Variants in STS observed in about 807,000 individuals in gnomAD.
STS encodes the protein steroid sulfatase.
In STS, 7 loss-of-function variants were observed where a neutral mutation model predicts 26.8. That is an observed-to-expected ratio of 0.26 (90% CI 0.15 to 0.49). The LOEUF is 0.49. Among genes scored for constraint, STS ranks in the 20% least tolerant of loss-of-function variants. The probability of loss-of-function intolerance (pLI) is 0.98; values close to 1 mark genes in which losing one functional copy is unlikely to be tolerated. For synonymous variants in STS, 199 were observed against 189.4 expected (o/e 1.05, Z -0.42); for missense variants, 434 against 465.6 (o/e 0.93, Z 0.63).
chrX:7,339,571 AC>A (rs1161339698), intron 10 of STS, among the ~76,000 whole-genome samples: 1 of 112,610 alleles, frequency 8.9e-6, no homozygotes, highest in African/African-American at 3.2e-5. Flanking sequence ...ACAAGGTACA[AC>A]ATTTGTACTT....
intron 7 of STS, among the ~76,000 whole-genome samples, chrX:7,295,811 A>G (rs1398340630): frequency 8.9e-6 from 1 of 111,797 alleles, no homozygotes; most frequent in Non-Finnish European, 1.9e-5. Flanking sequence ...AGGAGGTTGC[A>G]AAACATAAAA....
chrX:7,347,768 G>A (rs1162363392), intron 10 of STS, among the ~76,000 whole-genome samples: 1 of 111,877 alleles, frequency 8.9e-6, no homozygotes, highest in African/African-American at 3.3e-5. Context: ...GCTTCTCTGT[G>A]TACCCACTTT....
chrX:7,188,790 G>A (rs1324781808), intron 1 of STS, among the ~76,000 whole-genome samples: 13 of 111,552 alleles, frequency 1.2e-4, no homozygotes, highest in African/African-American at 2.0e-4. Context: ...TTCTTATCTC[G>A]CAAGGAGAGA....
chrX:7,220,715 CT>C (rs1186063979), intron 2 of STS, among the ~76,000 whole-genome samples: 4 of 108,474 alleles, frequency 3.7e-5, no homozygotes, highest in Non-Finnish European at 7.7e-5. Flanking sequence ...CGCCCGGCTA[CT>C]TTTTTTGTAT....
rs149343264 is a variant in STS at position 7,350,090 on chromosome X, C to T, written c.1566C>T (p.Leu522=). ...PASEPRFYEI[L]KVMQEAADRH... ...CCGAGCCCCGGTTTTATGAAATCCT[C>T]AAAGTCATGCAGGAAGCTGCGGACA... The change falls in exon 11 of 11, where the codon CTC becomes CTT. Residue 522 remains leucine (L), a synonymous_variant. Coordinates refer to ENST00000674429, the MANE Select transcript of STS (RefSeq NM_001320752.2). The T allele has an allele frequency of 3.6e-4, 440 of 1,210,584 alleles. No homozygotes were observed. The African/African-American group carries it at 6.5e-3, about 18-fold the overall frequency.
chrX:7,183,350 A>G (rs1933716730), intron 1 of STS, among the ~76,000 whole-genome samples: 1 of 111,768 alleles, frequency 8.9e-6, no homozygotes, highest in Non-Finnish European at 1.9e-5. Flanking sequence ...CCTCGTGGAC[A>G]ATGGAAATAA....
intron 1 of STS, among the ~76,000 whole-genome samples, chrX:7,175,477 G>A (rs1359738734): frequency 2.1e-5 from 2 of 97,231 alleles, no homozygotes; most frequent in Admixed American, 1.2e-4. Flanking sequence ...CTAGGAGACA[G>A]AGTGAGACCT....
At chrX:7,190,118 T>C (rs1318491757) in intron 1 of STS, among the ~76,000 whole-genome samples, 1 of 110,693 alleles carries the variant, frequency 9.0e-6, no homozygotes, top group Admixed American at 9.8e-5. Context: ...TATTATTACA[T>C]TGTAATATAT....
At chrX:7,325,192 T>A in intron 8 of STS, 147 bp from the exon 9 acceptor site, 1 of 595,906 alleles carries the variant, frequency 1.7e-6, no homozygotes, top group Non-Finnish European at 2.8e-6. Flanking sequence ...CAACATATAC[T>A]ATATTGCTCA....
rs1211183189 is a variant in STS, at chrX:7,258,056, ATAGCTAGC to A, written c.382+484_382+491del. Among the ~76,000 whole-genome samples, 7 of 106,880 alleles carry A rather than the reference ATAGCTAGC, an allele frequency of 6.5e-5. No homozygotes were observed. The East Asian group carries it at 1.5e-3, about 23-fold the overall frequency. The allele number at this position is 106,880 out of a possible 115,157, so 92.8% of individuals were successfully genotyped here. ...GATGGATGGATGGAAGGAATAGATG[ATAGCTAGC>A]TAGCTAGCTAGCTAGATAGATAGAG... On this transcript the variant is annotated intron_variant, in intron 5 of 10. Transcript: ENST00000674429.
chrX:7,148,189 A>G, intron 1 of STS, 106 bp downstream of exon 1: 4 of 699,601 alleles, frequency 5.7e-6, no homozygotes, highest in Non-Finnish European at 6.0e-6. Context: ...ACGCGCACTG[A>G]GGACCTTCTC....
chrX:7,333,859 C>G, intron 9 of STS, 127 bp from the exon 10 acceptor site: 1 of 960,763 alleles, frequency 1.0e-6, no homozygotes, highest in Non-Finnish European at 1.5e-6. Context: ...GCACAGGGCA[C>G]CCAGGTGGGG....
chrX:7,328,868 G>C (rs1247755679), intron 9 of STS, among the ~76,000 whole-genome samples: 2 of 111,300 alleles, frequency 1.8e-5, no homozygotes, highest in Non-Finnish European at 1.9e-5. Flanking sequence ...GCTAATTTTT[G>C]TATTTTTAGT....
At chrX:7,156,860 G>A (rs907670814) in intron 1 of STS, among the ~76,000 whole-genome samples, 1 of 111,953 alleles carries the variant, frequency 8.9e-6, no homozygotes, top group Non-Finnish European at 1.9e-5. Flanking sequence ...ACACATAGGA[G>A]GAATTCTGGG....
intron 1 of STS, among the ~76,000 whole-genome samples, chrX:7,178,459 C>T (rs1218089827): frequency 9.0e-6 from 1 of 111,557 alleles, no homozygotes; most frequent in Non-Finnish European, 1.9e-5. Context: ...GCTGCCGCAT[C>T]GTGGGCAGCA....
chrX:7,261,803 C>T (rs1183488803), intron 6 of STS, among the ~76,000 whole-genome samples: 2 of 112,117 alleles, frequency 1.8e-5, no homozygotes, highest in African/African-American at 6.5e-5. Flanking sequence ...CTGACAGAAG[C>T]CCACATATGG....
chrX:7,257,614 C>G, intron 5 of STS, 26 bp downstream of exon 5: 3 of 1,209,855 alleles, frequency 2.5e-6, no homozygotes, highest in Non-Finnish European at 3.4e-6. Context: ...GGATGGGAAC[C>G]ATCTATAGGT....
At chrX:7,347,121 G>C (rs1045296094) in intron 10 of STS, among the ~76,000 whole-genome samples, 3 of 111,438 alleles carry the variant, frequency 2.7e-5, no homozygotes, top group African/African-American at 9.8e-5. Flanking sequence ...GACTCTGCCA[G>C]GTGCCTTCTG....
At chrX:7,216,051 T>G (rs1486811603) in intron 2 of STS, among the ~76,000 whole-genome samples, 1 of 112,058 alleles carries the variant, frequency 8.9e-6, no homozygotes, top group African/African-American at 3.2e-5. Context: ...GGAGCTCATG[T>G]GCATAGCAAA....
Sources: allele counts gnomAD v4.1 joint callset (sites outside exome capture counted in the v4.1 genomes callset), GRCh38; gene constraint gnomAD v4.1.1; transcripts MANE v1.5; gene names NCBI Gene and HGNC (gene_info 2026-07-23, HGNC 2026-07-21).